The following SNRNP40 variants were observed in gnomAD, a reference collection of about 807,000 sequenced individuals.
SNRNP40 encodes U5 small nuclear ribonucleoprotein 40 kDa protein.
Under a neutral mutation model 45.8 loss-of-function variants are expected in SNRNP40, and 21 were observed. The ratio of observed to expected loss-of-function variants is 0.46; its 90% CI spans 0.32 to 0.66. The LOEUF (loss-of-function observed/expected upper bound fraction) is 0.66, where lower values mean the gene tolerates loss of function less well. Ranked by LOEUF, SNRNP40 falls within the 30% of genes least tolerant of loss-of-function variation. The pLI is 0.03. For missense variants in SNRNP40, 344 were observed against 439.1 expected (o/e 0.78, Z 1.94); for synonymous variants, 142 against 163.8 (o/e 0.87, Z 1.01).
Position 31,289,431 on chromosome 1 carries a change from G to C in SNRNP40, c.366-12C>G. On this transcript the variant is annotated splice_polypyrimidine_tract_variant and intron_variant, in intron 3 of 9. Coordinates refer to ENST00000263694, the MANE Select transcript of SNRNP40 (RefSeq NM_004814.3). ...CTGAGAAAAGCATACTAGAAAGTAA[G>C]AGAAAGAATAAAAAAGAAATAAGTG... 1 of 1,606,114 alleles carries C rather than the reference G, an allele frequency of 6.2e-7. No homozygotes were observed. The highest frequency in any genetic ancestry group is 1.1e-5 in the South Asian group (1 of 90,228).
chr1:31,272,240 AAT>A (rs1645943906), intron 5 of SNRNP40, among the ~76,000 whole-genome samples: 1 of 152,208 alleles, frequency 6.6e-6, no homozygotes, highest in Non-Finnish European at 1.5e-5. Flanking sequence ...TTAATGTAAC[AAT>A]ATGTGACAAT....
intron 8 of SNRNP40, among the ~76,000 whole-genome samples, chr1:31,265,837 C>T (rs1388914202): frequency 9.0e-6 from 1 of 111,420 alleles, no homozygotes; most frequent in East Asian, 2.1e-4. Flanking sequence ...GAGACTACAT[C>T]TCAAAAACAA....
intron 1 of SNRNP40, among the ~76,000 whole-genome samples, chr1:31,295,939 A>G (rs184663993): frequency 3.3e-5 from 5 of 152,386 alleles, no homozygotes; most frequent in South Asian, 2.1e-4. Context: ...GTCTGAGCCT[A>G]AACAGGACAT....
Position 31,280,990 on chromosome 1 carries a change from T to C in SNRNP40, c.654+384A>G, listed in dbSNP as rs545475065. The stretch of plus-strand genomic sequence containing the variant: ...AGAAACTTAGAAAACTCTCTTTCCA[T>C]AGTGTCAAAAAGAAAAACACAGTGA... On this transcript the variant is annotated intron_variant, in intron 5 of 9. Transcript: ENST00000263694. 5.9e-5 allele frequency among the ~76,000 whole-genome samples: 9 copies of C among 152,290 alleles called. No homozygotes were observed. The South Asian group carries it at 1.9e-3, about 32-fold the overall frequency.
intron 5 of SNRNP40, among the ~76,000 whole-genome samples, chr1:31,276,063 TA>T (rs755774671): frequency 6.6e-6 from 1 of 152,066 alleles, no homozygotes; most frequent in Non-Finnish European, 1.5e-5. Flanking sequence ...ACTGTAATAA[TA>T]AAAAAATGAT....
At chr1:31,296,527 G>C in intron 1 of SNRNP40, 84 bp downstream of exon 1, 1 of 1,479,992 alleles carries the variant, frequency 6.8e-7, no homozygotes, top group Non-Finnish European at 9.1e-7. Context: ...CGCAATGCGG[G>C]AAAGGGTCAG....
At chr1:31,271,657 C>CT (rs1226034163) in intron 5 of SNRNP40, among the ~76,000 whole-genome samples, 158 bp from the exon 6 acceptor site, 7 of 63,420 alleles carry the variant, frequency 1.1e-4, no homozygotes, top group African/African-American at 3.4e-4. Context: ...TTTTAATTTT[C>CT]ATTTTTTTTT....
chr1:31,267,906 A>G lies in SNRNP40; in HGVS notation c.885T>C (p.Pro295=), dbSNP rs1290487043. 6.2e-7 allele frequency: 1 copy of G among 1,613,196 alleles called. No individual in the cohort carries two copies. Among genetic ancestry groups the G allele is most frequent in the Non-Finnish European group, 8.5e-7 (1 of 1,179,256 alleles). ...EKNLLRCSWS[P]DGSKIAAGSA... ...AGCCAGCTGCTATTTTGCTTCCATC[A>G]GGTGACCAAGAACATCTCAGAAGGT... Residue 295 remains proline (P), a synonymous_variant, in exon 8 of 10, where the codon CCT becomes CCC. Coordinates refer to ENST00000263694, the MANE Select transcript of SNRNP40 (RefSeq NM_004814.3).
intron 9 of SNRNP40, chr1:31,261,018 A>T (rs1360609557): frequency 3.1e-6 from 4 of 1,282,628 alleles, no homozygotes; most frequent in Non-Finnish European, 4.1e-6. Flanking sequence ...CTTATGAGCA[A>T]TGGTGAGACT....
In SNRNP40 at chr1:31,269,226, C is replaced by A; in HGVS notation, c.790G>T (p.Val264Phe). ...AMDNTVRVWD[V>F]RPFAPKERCV... ...CTCTCTTTGGGGGCAAATGGCCGGA[C>A]ATCCCAGACACGAACTGCAAAACAA... Residue 264 changes from valine (V) to phenylalanine (F), a missense_variant, in exon 7 of 10, where the codon GTC becomes TTC. Transcript: ENST00000263694. 6.2e-7 allele frequency: 1 copy of A among 1,612,822 alleles called. No individual in the cohort carries two copies. Among genetic ancestry groups the A allele is most frequent in the Non-Finnish European group, 8.5e-7 (1 of 1,179,560 alleles).
At position 31,269,237 on chromosome 1, in the gene SNRNP40, C is replaced by T. The variant is rs1321782336; in HGVS notation, c.779G>A (p.Arg260His). The T allele has an allele frequency of 1.4e-5, 23 of 1,612,808 alleles. No homozygotes were observed. Among genetic ancestry groups the T allele is most frequent in the South Asian group, 5.5e-5 (5 of 90,880 alleles). Residue 260 changes from arginine to histidine, a missense_variant, in exon 7 of 10, where the codon CGT (arginine) becomes CAT (histidine). Transcript: ENST00000263694. ...GGCAAATGGCCGGACATCCCAGACACGAACTGCAAAACAAATCCAAATAAA... is the reference window on the plus strand; with the variant it reads ...GGCAAATGGCCGGACATCCCAGACATGAACTGCAAAACAAATCCAAATAAA... ...LLSNAMDNTV[R>H]VWDVRPFAPK...
intron 8 of SNRNP40, among the ~76,000 whole-genome samples, chr1:31,262,415 G>A (rs923909542): frequency 6.6e-6 from 1 of 151,432 alleles, no homozygotes; most frequent in African/African-American, 2.4e-5. Context: ...CAACTACTCG[G>A]GAGGCTGAGG....
chr1:31,280,159 G>C (rs1421335558), intron 5 of SNRNP40, among the ~76,000 whole-genome samples: 1 of 145,452 alleles, frequency 6.9e-6, no homozygotes, highest in Non-Finnish European at 1.5e-5. Context: ...CAAAAGCAAG[G>C]ATATTCCTTT....
chr1:31,269,441 G>A, intron 6 of SNRNP40: 1 of 1,278,136 alleles, frequency 7.8e-7, no homozygotes, highest in Non-Finnish European at 1.0e-6. Context: ...CCCAATAACT[G>A]GGGCTAGCTG....
intron 5 of SNRNP40, among the ~76,000 whole-genome samples, chr1:31,271,912 C>G (rs6425728): frequency 1 from 152,319 of 152,324 alleles, 76,157 homozygotes; most frequent in Non-Finnish European, 1. Context: ...TGGATTAACA[C>G]GCATGAGCCA....
chr1:31,277,349 ATTC>A (rs1645982766), intron 5 of SNRNP40, among the ~76,000 whole-genome samples: 1 of 152,220 alleles, frequency 6.6e-6, no homozygotes, highest in South Asian at 2.1e-4. Flanking sequence ...TATTTTTATA[ATTC>A]TTTTACATTT....
At chr1:31,275,429 CTG>C (rs1184701479) in intron 5 of SNRNP40, among the ~76,000 whole-genome samples, 2 of 6,238 alleles carry the variant, frequency 3.2e-4, no homozygotes, top group African/African-American at 5.0e-4. Flanking sequence ...GAGTCTCACT[CTG>C]TCATCTGGAG....
intron 6 of SNRNP40, among the ~76,000 whole-genome samples, chr1:31,269,971 C>T (rs947107121): frequency 5.3e-5 from 8 of 152,104 alleles, no homozygotes; most frequent in South Asian, 2.1e-4. Context: ...GGCGTGATCT[C>T]GGCTCACTGC....
intron 8 of SNRNP40, among the ~76,000 whole-genome samples, chr1:31,267,191 CGCA>C (rs1645902978): frequency 1.3e-5 from 2 of 151,968 alleles, no homozygotes; most frequent in African/African-American, 4.8e-5. Context: ...ATTCCATGTG[CGCA>C]GCATTGTGGT....
Sources: gnomAD v4.1 joint callset for allele counts (sites outside exome capture counted in the v4.1 genomes callset) on GRCh38, gnomAD v4.1.1 for gene constraint, MANE v1.5 for transcripts, NCBI Gene and HGNC (gene_info 2026-07-23, HGNC 2026-07-21) for gene names.